URB1: variants seen among roughly 807,000 people sequenced by gnomAD.
The protein encoded by URB1 is nucleolar pre-ribosomal-associated protein 1.
A neutral mutation model predicts 242.3 loss-of-function variants in URB1; 197 were observed. The observed-to-expected ratio is 0.81, with a 90% CI of 0.72 to 0.91. URB1 has a LOEUF of 0.91. URB1 is among the 40% of genes least tolerant of loss of function. The pLI is 0.00. For missense variants in URB1, 2,721 were observed against 2,860.5 expected (o/e 0.95, Z 1.11); for synonymous variants, 1,153 against 1,201.8 (o/e 0.96, Z 0.84).
chr21:32,314,072 G>A lies in URB1; in HGVS notation c.*846C>T, dbSNP rs1409481979. On this transcript the variant is annotated 3_prime_UTR_variant, in exon 39 of 39. Coordinates refer to ENST00000382751, the MANE Select transcript of URB1 (RefSeq NM_014825.3). Reference sequence around the variant, plus strand: ...AGGTCAAATCACTTTTATTCTTTAAGGATTCAGTGTAACATCCTTTTCTTT... The same window carrying A: ...AGGTCAAATCACTTTTATTCTTTAAAGATTCAGTGTAACATCCTTTTCTTT... The A allele has an allele frequency of 6.4e-6, 1 of 155,622 alleles. No individual in the cohort carries two copies. The highest frequency in any genetic ancestry group is 1.4e-5 in the Non-Finnish European group (1 of 70,286). 9.6% of individuals were successfully genotyped at this position (155,622 alleles called of 1,614,324 possible).
intron 30 of URB1, among the ~76,000 whole-genome samples, chr21:32,329,300 C>T (rs949455226): frequency 1.3e-5 from 2 of 152,158 alleles, no homozygotes; most frequent in African/African-American, 4.8e-5. Flanking sequence ...TAGTGGGCTT[C>T]AGTAGCAGTG....
intron 21 of URB1, 41 bp downstream of exon 21, chr21:32,349,263 A>G: frequency 6.7e-6 from 10 of 1,484,160 alleles, no homozygotes; most frequent in South Asian, 1.4e-5. Flanking sequence ...GCCACTGCCC[A>G]TGACTCTGAG....
intron 4 of URB1, among the ~76,000 whole-genome samples, chr21:32,381,473 T>A (rs2033525960): frequency 6.8e-6 from 1 of 146,222 alleles, no homozygotes; most frequent in Non-Finnish European, 1.5e-5. Context: ...CTAAATAGCA[T>A]TTAAAAAAAA....
chr21:32,384,508 T>C lies in URB1; in HGVS notation c.283-44A>G, dbSNP rs1228439057. The C allele has an allele frequency of 3.2e-6, 5 of 1,539,518 alleles. No homozygotes were observed. In the African/African-American group the frequency reaches 6.9e-5, roughly 21 times the overall value. Reference sequence around the variant, plus strand: ...AACGCTTAGAAATCGTCTCATTTCCTTTCCTCCTGTACATATATGCTCCTT... The same window carrying C: ...AACGCTTAGAAATCGTCTCATTTCCCTTCCTCCTGTACATATATGCTCCTT... On this transcript the variant is annotated intron_variant, in intron 2 of 38. Transcript: ENST00000382751.
At chr21:32,384,241 G>A in intron 3 of URB1, 72 bp downstream of exon 3, 1 of 1,488,956 alleles carries the variant, frequency 6.7e-7, no homozygotes, top group Non-Finnish European at 9.0e-7. Context: ...CTGACCAAAT[G>A]CACCTGCGGA....
chr21:32,314,766 C>G lies in URB1; in HGVS notation c.*152G>C. On this transcript the variant is annotated 3_prime_UTR_variant, in exon 39 of 39. Coordinates refer to ENST00000382751, the MANE Select transcript of URB1 (RefSeq NM_014825.3). Reference sequence around the variant, plus strand: ...TTACTGGGCAGTTCAATAAAGTCCTCTCAACTTTTCTTGTCAAAGAACTGA... The same window carrying G: ...TTACTGGGCAGTTCAATAAAGTCCTGTCAACTTTTCTTGTCAAAGAACTGA... 7.0e-7 allele frequency: 1 copy of G among 1,434,044 alleles called. No individual in the cohort carries two copies. Among genetic ancestry groups the G allele is most frequent in the Non-Finnish European group, 9.6e-7 (1 of 1,044,172 alleles). The allele number at this position is 1,434,044 out of a possible 1,614,324, so 88.8% of individuals were successfully genotyped here. A position where few individuals can be genotyped will look rare whatever the true frequency, so the allele number is the denominator to read the frequency against.
At position 32,331,334 on chromosome 21, in the gene URB1, C is replaced by T. The variant is rs563110582; in HGVS notation, c.4960+1983G>A. On this transcript the variant is annotated intron_variant, in intron 30 of 38. Coordinates refer to ENST00000382751, the MANE Select transcript of URB1 (RefSeq NM_014825.3). ...CCTTCAGCACCTGCTGAATTTCAAACTGTGAATGTATTACCTAATGTTAAA... is the reference window on the plus strand; with the variant it reads ...CCTTCAGCACCTGCTGAATTTCAAATTGTGAATGTATTACCTAATGTTAAA... 5.9e-5 allele frequency among the ~76,000 whole-genome samples: 9 copies of T among 152,344 alleles called. No homozygotes were observed. In the East Asian group the frequency reaches 1.7e-3, roughly 29 times the overall value.
Position 32,314,468 on chromosome 21 carries a change from A to G in URB1, c.*450T>C. 7.7e-7 allele frequency: 1 copy of G among 1,301,088 alleles called. No individual in the cohort carries two copies. Among genetic ancestry groups the G allele is most frequent in the South Asian group, 1.2e-5 (1 of 83,474 alleles). The allele number at this position is 1,301,088 out of a possible 1,614,324, so 80.6% of individuals were successfully genotyped here. ...CCAAAGTGCTGGGATTATAGGCGTG[A>G]GCCACCTCACCTGCTGAAAAATAAA... On this transcript the variant is annotated 3_prime_UTR_variant, in exon 39 of 39. Transcript: ENST00000382751.
intron 11 of URB1, among the ~76,000 whole-genome samples, chr21:32,362,693 C>T (rs957961466): frequency 1.3e-5 from 2 of 152,136 alleles, no homozygotes; most frequent in African/African-American, 4.8e-5. Context: ...TCAGAGCAGC[C>T]GGCCAGTTTA....
intron 38 of URB1, 113 bp downstream of exon 38, chr21:32,316,353 C>A: frequency 7.1e-7 from 1 of 1,415,286 alleles, no homozygotes; most frequent in Non-Finnish European, 9.3e-7. Context: ...AGCACAATAC[C>A]CAGCTGAGGA....
At chr21:32,324,711 A>G (rs2032808852) in intron 31 of URB1, 109 bp from the exon 32 acceptor site, 4 of 760,312 alleles carry the variant, frequency 5.3e-6, no homozygotes, top group South Asian at 4.9e-5. Flanking sequence ...CCTGCTTCTC[A>G]TATCCCAGGG....
Position 32,375,561 on chromosome 21 carries a change from G to A in URB1, c.665-78C>T, listed in dbSNP as rs966630879. The A allele has an allele frequency of 2.8e-5, 23 of 828,772 alleles. 1 individual carries two copies. The highest frequency in any genetic ancestry group is 4.8e-4 in the Middle Eastern group (2 of 4,144). 51.3% of individuals were successfully genotyped at this position (828,772 alleles called of 1,614,324 possible). A position where few individuals can be genotyped will look rare whatever the true frequency, so the allele number is the denominator to read the frequency against. On this transcript the variant is annotated intron_variant, in intron 5 of 38. Transcript: ENST00000382751. ...ATAGACGAGAGAATATTACTGTTTA[G>A]GTGGTACAGCAAACAATGCCATTTA...
At chr21:32,334,395 T>C (rs527746035) in intron 28 of URB1, 61 bp from the exon 29 acceptor site, 93 of 1,484,104 alleles carry the variant, frequency 6.3e-5, no homozygotes, top group Non-Finnish European at 7.1e-5. Flanking sequence ...GAATTAATCA[T>C]GATAACAACA....
At chr21:32,324,651 C>A (rs1488349772) in intron 31 of URB1, 49 bp from the exon 32 acceptor site, 17 of 1,407,178 alleles carry the variant, frequency 1.2e-5, no homozygotes, top group East Asian at 2.5e-5. Context: ...GTGTTCAGAG[C>A]TATGGTCAGT....
intron 14 of URB1, among the ~76,000 whole-genome samples, chr21:32,357,903 C>T (rs1267438843): frequency 6.6e-6 from 1 of 152,268 alleles, no homozygotes; most frequent in African/African-American, 2.4e-5. Flanking sequence ...GTGGTGCATG[C>T]CTATAGTCCC....
chr21:32,360,688 T>C (rs2123597423), intron 13 of URB1, among the ~76,000 whole-genome samples: 1 of 152,314 alleles, frequency 6.6e-6, no homozygotes. Context: ...TGCTACACCC[T>C]CTGCAACCCT....
At chr21:32,315,942 G>A (rs994942239) in intron 38 of URB1, among the ~76,000 whole-genome samples, 18 of 152,126 alleles carry the variant, frequency 1.2e-4, no homozygotes, top group South Asian at 2.1e-4. Flanking sequence ...GAGCTCTAAC[G>A]GCCCCCTGGA....
At chr21:32,378,604 A>C in intron 4 of URB1, 63 bp from the exon 5 acceptor site, 4 of 1,384,150 alleles carry the variant, frequency 2.9e-6, no homozygotes, top group South Asian at 1.2e-5. Context: ...AGGAATCAGC[A>C]ACACAGTGGC....
chr21:32,336,375 AAC>A (rs138116767), intron 28 of URB1, among the ~76,000 whole-genome samples: 1 of 151,634 alleles, frequency 6.6e-6, no homozygotes, highest in Non-Finnish European at 1.5e-5. Context: ...CTCCTGGCTG[AAC>A]ACACACACAC....
Sources: allele counts gnomAD v4.1 joint callset (sites outside exome capture counted in the v4.1 genomes callset), GRCh38; gene constraint gnomAD v4.1.1; transcripts MANE v1.5; gene names NCBI Gene and HGNC (gene_info 2026-07-23, HGNC 2026-07-21).